SLC24A2: variants seen among roughly 807,000 people sequenced by gnomAD.
SLC24A2 encodes the protein sodium/potassium/calcium exchanger 2.
SLC24A2 carries 36 observed loss-of-function variants against 62.0 expected under a neutral mutation model. That is an observed-to-expected ratio of 0.58 (90% CI 0.44 to 0.77). The LOEUF is 0.77. Ranked by LOEUF, SLC24A2 falls within the 30% of genes least tolerant of loss-of-function variation. The pLI, the probability that SLC24A2 is intolerant of heterozygous loss-of-function variation, is 0.00. For missense variants in SLC24A2, 846 were observed against 817.9 expected, an observed-to-expected ratio of 1.03 and a Z score of -0.42; for synonymous variants, 358 against 294.0, an observed-to-expected ratio of 1.22 and a Z score of -2.23.
chr9:19,829,765 A>ATGTGTGTGTG, the SLC24A2 span, among the ~76,000 whole-genome samples: 1 of 56,866 alleles, frequency 1.8e-5, no homozygotes, highest in African/African-American at 4.0e-5. Flanking sequence ...TTATATATAT[A>ATGTGTGTGTG]TGTGTGTGTG....
At chr9:19,685,788 C>CAAATGTAAAACCA (rs1819863569) in intron 2 of SLC24A2, among the ~76,000 whole-genome samples, 1 of 151,930 alleles carries the variant, frequency 6.6e-6, no homozygotes, top group South Asian at 2.1e-4. Flanking sequence ...GAATTAAAGA[C>CAAATGTAAAACCA]AAATGTAAAA....
At chr9:19,733,091 T>C (rs1192793314) in intron 2 of SLC24A2, among the ~76,000 whole-genome samples, 1 of 152,030 alleles carries the variant, frequency 6.6e-6, no homozygotes, top group African/African-American at 2.4e-5. Flanking sequence ...TCTTTTTTTT[T>C]TTTTTAAACA....
intron 8 of SLC24A2, among the ~76,000 whole-genome samples, chr9:19,547,040 G>A (rs920533966): frequency 6.6e-6 from 1 of 152,152 alleles, no homozygotes; most frequent in African/African-American, 2.4e-5. Flanking sequence ...CGATCTCGCT[G>A]GGAGCTGCAT....
At chr9:20,216,694 G>C in the SLC24A2 span, among the ~76,000 whole-genome samples, 1 of 152,058 alleles carries the variant, frequency 6.6e-6, no homozygotes, top group African/African-American at 2.4e-5. Context: ...TTCTTTGTTA[G>C]TATCAATGAA....
At chr9:19,729,207 T>C (rs747051616) in intron 2 of SLC24A2, among the ~76,000 whole-genome samples, 25 of 152,150 alleles carry the variant, frequency 1.6e-4, no homozygotes, top group Non-Finnish European at 3.1e-4. Flanking sequence ...CCAGTTAGGA[T>C]GGCTATTATC....
At chr9:19,832,440 T>C in the SLC24A2 span, among the ~76,000 whole-genome samples, 4 of 152,212 alleles carry the variant, frequency 2.6e-5, no homozygotes, top group Admixed American at 6.5e-5. Flanking sequence ...TCATGTTGTG[T>C]AGACTAGAAA....
the SLC24A2 span, among the ~76,000 whole-genome samples, chr9:19,812,528 A>G: frequency 6.6e-5 from 10 of 152,084 alleles, no homozygotes; most frequent in Non-Finnish European, 1.5e-4. Context: ...CTTTTTATGA[A>G]TTCTAATTAT....
intron 2 of SLC24A2, among the ~76,000 whole-genome samples, chr9:19,719,681 T>A (rs1820966758): frequency 6.6e-6 from 1 of 152,218 alleles, no homozygotes; most frequent in Admixed American, 6.5e-5. Flanking sequence ...CTTGAGTACT[T>A]ACAAGAATAT....
At chr9:19,750,463 G>A (rs1430953292) in intron 2 of SLC24A2, among the ~76,000 whole-genome samples, 1 of 151,894 alleles carries the variant, frequency 6.6e-6, no homozygotes, top group African/African-American at 2.4e-5. Context: ...AAATGCCACT[G>A]CCCCCTCATA....
chr9:20,265,193 G>A, the SLC24A2 span, among the ~76,000 whole-genome samples: 10 of 152,212 alleles, frequency 6.6e-5, no homozygotes, highest in African/African-American at 2.4e-4. Context: ...GACATCTATG[G>A]CTTCTGTCAG....
At chr9:19,815,262 T>C in the SLC24A2 span, among the ~76,000 whole-genome samples, 2 of 152,180 alleles carry the variant, frequency 1.3e-5, no homozygotes, top group Non-Finnish European at 2.9e-5. Flanking sequence ...GGGATTCTCC[T>C]GCAAATTCTG....
the SLC24A2 span, among the ~76,000 whole-genome samples, chr9:20,110,899 G>A: frequency 6.6e-6 from 1 of 152,022 alleles, no homozygotes; most frequent in Non-Finnish European, 1.5e-5. Flanking sequence ...CTCAAATGAG[G>A]ATCCATTTTA....
the SLC24A2 span, among the ~76,000 whole-genome samples, chr9:20,185,396 C>A: frequency 2.0e-5 from 3 of 151,752 alleles, no homozygotes; most frequent in African/African-American, 7.3e-5. Flanking sequence ...CCAGGCATCG[C>A]GGCTCACGCC....
the SLC24A2 span, among the ~76,000 whole-genome samples, chr9:20,243,930 G>T: frequency 6.6e-6 from 1 of 151,892 alleles, no homozygotes; most frequent in African/African-American, 2.4e-5. Flanking sequence ...GTGGATAGAA[G>T]GAGGGACCTC....
chr9:20,105,211 A>T, the SLC24A2 span, among the ~76,000 whole-genome samples: 1 of 152,232 alleles, frequency 6.6e-6, no homozygotes, highest in Admixed American at 6.5e-5. Context: ...GTCCTGAGTT[A>T]CCTACAAAGA....
chr9:20,253,048 G>T, the SLC24A2 span, among the ~76,000 whole-genome samples: 1 of 152,168 alleles, frequency 6.6e-6, no homozygotes, highest in Non-Finnish European at 1.5e-5. Flanking sequence ...TAGAAACAAG[G>T]CACCCACTTT....
chr9:20,300,657 T>C, the SLC24A2 span, among the ~76,000 whole-genome samples: 40 of 152,234 alleles, frequency 2.6e-4, no homozygotes, highest in East Asian at 7.7e-3. Context: ...CAAAACAAGC[T>C]CCTGTTACAG....
At chr9:19,835,904 A>G in the SLC24A2 span, among the ~76,000 whole-genome samples, 3 of 152,246 alleles carry the variant, frequency 2.0e-5, no homozygotes, top group Admixed American at 6.5e-5. Flanking sequence ...ATCAAACTAG[A>G]ACTCAGGATT....
At chr9:20,068,304 C>T in the SLC24A2 span, among the ~76,000 whole-genome samples, 1 of 152,108 alleles carries the variant, frequency 6.6e-6, no homozygotes, top group East Asian at 1.9e-4. Context: ...CCTCGTAATC[C>T]ACCTGCCTTG....
Sources: allele counts gnomAD v4.1 joint callset (sites outside exome capture counted in the v4.1 genomes callset), GRCh38; gene constraint gnomAD v4.1.1; transcripts MANE v1.5; gene names NCBI Gene and HGNC (gene_info 2026-07-23, HGNC 2026-07-21).